CNTN5: variants seen among roughly 807,000 people sequenced by gnomAD.
CNTN5 encodes the protein contactin-5.
In CNTN5, 77 loss-of-function variants were observed where a neutral mutation model predicts 129.1. The observed-to-expected ratio is 0.60, with a 90% CI of 0.50 to 0.72. The LOEUF is 0.72. Among genes scored for constraint, CNTN5 ranks in the 30% least tolerant of loss-of-function variants. The pLI is 0.00. For missense variants in CNTN5, 1,478 were observed against 1,328.8 expected (o/e 1.11, Z -1.75); for synonymous variants, 509 against 465.6 (o/e 1.09, Z -1.20).
intron 1 of CNTN5, among the ~76,000 whole-genome samples, chr11:99,156,100 T>C (rs553874687): frequency 6.6e-6 from 1 of 152,124 alleles, no homozygotes; most frequent in East Asian, 1.9e-4. Flanking sequence ...AAAGACAGAT[T>C]TAACTATATA....
At chr11:100,218,792 G>A (rs1949197792) in intron 15 of CNTN5, among the ~76,000 whole-genome samples, 1 of 152,148 alleles carries the variant, frequency 6.6e-6, no homozygotes, top group Non-Finnish European at 1.5e-5. Context: ...CATGGTGAGA[G>A]ACAAGATAGG....
At chr11:100,216,638 G>A (rs1055158986) in intron 15 of CNTN5, among the ~76,000 whole-genome samples, 2 of 151,852 alleles carry the variant, frequency 1.3e-5, no homozygotes, top group Non-Finnish European at 2.9e-5. Flanking sequence ...TGGGTCTTGG[G>A]TGTTATCGGA....
intron 2 of CNTN5, among the ~76,000 whole-genome samples, chr11:99,409,570 A>C (rs1035427671): frequency 6.6e-6 from 1 of 152,264 alleles, no homozygotes; most frequent in Non-Finnish European, 1.5e-5. Flanking sequence ...ACAGATAAAA[A>C]TAAATCATGA....
At chr11:99,659,764 C>G (rs904318662) in intron 3 of CNTN5, among the ~76,000 whole-genome samples, 2 of 152,134 alleles carry the variant, frequency 1.3e-5, no homozygotes, top group African/African-American at 4.8e-5. Context: ...CAGTCAAAGT[C>G]TATGGATCCT....
At chr11:99,075,832 G>A (rs1283359520) in intron 1 of CNTN5, among the ~76,000 whole-genome samples, 2 of 152,274 alleles carry the variant, frequency 1.3e-5, no homozygotes, top group South Asian at 2.1e-4. Context: ...TGCGGGAAGT[G>A]TTTGTTTTTA....
intron 15 of CNTN5, among the ~76,000 whole-genome samples, chr11:100,221,189 G>T (rs564273880): frequency 6.6e-5 from 10 of 152,170 alleles, no homozygotes; most frequent in African/African-American, 2.4e-4. Context: ...AAAAGAAAGA[G>T]CACCTGCAAC....
intron 3 of CNTN5, among the ~76,000 whole-genome samples, chr11:99,671,082 C>T (rs573461227): frequency 6.6e-6 from 1 of 151,356 alleles, no homozygotes; most frequent in South Asian, 2.1e-4. Context: ...CTCTCGCTTT[C>T]TTGTGAGTTC....
intron 3 of CNTN5, among the ~76,000 whole-genome samples, chr11:99,612,208 C>T (rs1950612187): frequency 6.6e-6 from 1 of 152,126 alleles, no homozygotes; most frequent in Non-Finnish European, 1.5e-5. Context: ...AATCAGAAAG[C>T]TACTATATTG....
intron 3 of CNTN5, among the ~76,000 whole-genome samples, chr11:99,815,498 C>A (rs953995191): frequency 1.7e-4 from 26 of 152,198 alleles, no homozygotes; most frequent in East Asian, 1.9e-4. Context: ...GCACTAAGAC[C>A]ATACGACTGA....
intron 3 of CNTN5, among the ~76,000 whole-genome samples, chr11:99,629,288 T>C (rs1204906337): frequency 6.6e-6 from 1 of 152,042 alleles, no homozygotes; most frequent in African/African-American, 2.4e-5. Context: ...AATAACTAAT[T>C]TAAAACAATG....
chr11:99,422,517 T>TA (rs1470436453), intron 2 of CNTN5, among the ~76,000 whole-genome samples: 1,759 of 24,620 alleles, frequency 0.071, 16 homozygotes, highest in Non-Finnish European at 0.096. Flanking sequence ...ACTTTATATT[T>TA]TTATATATAT....
intron 21 of CNTN5, among the ~76,000 whole-genome samples, chr11:100,338,216 C>T (rs1427981513): frequency 6.6e-6 from 1 of 152,148 alleles, no homozygotes; most frequent in Non-Finnish European, 1.5e-5. Context: ...TGCTTTCAGC[C>T]AGCACTGAGG....
Position 99,398,358 on chromosome 11 carries a change from A to G in CNTN5, c.-71+72874A>G, listed in dbSNP as rs151268197. On this transcript the variant is annotated intron_variant, in intron 2 of 24. Transcript: ENST00000524871. ...TTCGTCTGTCCTATTCTGCATTCCA[A>G]CCTCCTGAATGAATTATTTGATTTG... Among the ~76,000 whole-genome samples the G allele has an allele frequency of 1.3e-3, 205 of 151,862 alleles. 1 individual carries two copies. The highest frequency in any genetic ancestry group is 4.5e-3 in the African/African-American group (187 of 41,454).
At chr11:99,208,709 A>C (rs2135661051) in intron 1 of CNTN5, among the ~76,000 whole-genome samples, 1 of 152,218 alleles carries the variant, frequency 6.6e-6, no homozygotes, top group Admixed American at 6.6e-5. Context: ...TGGTGAGGGA[A>C]GTGGGATTCA....
intron 3 of CNTN5, among the ~76,000 whole-genome samples, chr11:99,790,443 T>G (rs887601697): frequency 4.6e-5 from 7 of 152,090 alleles, no homozygotes; most frequent in Non-Finnish European, 8.8e-5. Context: ...TGTTCCAGCA[T>G]TAGTTGGCTT....
chr11:99,990,526 C>T (rs1939011079), intron 8 of CNTN5, among the ~76,000 whole-genome samples: 1 of 150,992 alleles, frequency 6.6e-6, no homozygotes, highest in African/African-American at 2.4e-5. Flanking sequence ...AATGATAAAA[C>T]TCTCTAGGTT....
chr11:99,399,306 A>G (rs1416778311), intron 2 of CNTN5, among the ~76,000 whole-genome samples: 1 of 151,906 alleles, frequency 6.6e-6, no homozygotes, highest in Admixed American at 6.6e-5. Flanking sequence ...ATTAGATTTC[A>G]GAACAAATTT....
In CNTN5 at chr11:99,473,499, G is replaced by A. The variant is rs112663860; in HGVS notation, c.-70-82646G>A. Among the ~76,000 whole-genome samples the A allele has an allele frequency of 9.8e-3, 1,490 of 151,992 alleles. 23 individuals carry two copies. The highest frequency in any genetic ancestry group is 0.034 in the African/African-American group (1,391 of 41,484). ...GAATAATTTGCATTTGAAATATAGTGTATGTTTAAATTCTCTTCTATGGGA... is the reference window on the plus strand; with the variant it reads ...GAATAATTTGCATTTGAAATATAGTATATGTTTAAATTCTCTTCTATGGGA... On this transcript the variant is annotated intron_variant, in intron 2 of 24. Coordinates refer to ENST00000524871, the MANE Select transcript of CNTN5 (RefSeq NM_014361.4).
At chr11:99,363,046 T>C (rs11219611) in intron 2 of CNTN5, among the ~76,000 whole-genome samples, 33,927 of 151,824 alleles carry the variant, frequency 0.22, 4,730 homozygotes, top group Middle Eastern at 0.32. Context: ...TTCCAGTTTG[T>C]GGGAAAAAAA....
Sources: gnomAD v4.1 joint callset for allele counts (sites outside exome capture counted in the v4.1 genomes callset) on GRCh38, gnomAD v4.1.1 for gene constraint, MANE v1.5 for transcripts, NCBI Gene and HGNC (gene_info 2026-07-23, HGNC 2026-07-21) for gene names.